Variants in NDNF observed in about 807,000 individuals in gnomAD.
NDNF encodes protein NDNF.
A neutral mutation model predicts 42.0 loss-of-function variants in NDNF; 16 were observed. The ratio of observed to expected loss-of-function variants is 0.38; its 90% confidence interval spans 0.26 to 0.58. The LOEUF is 0.58. Ranked by LOEUF, NDNF falls within the 20% of genes least tolerant of loss-of-function variation. The pLI is 0.67. For missense variants in NDNF, 616 were observed against 666.2 expected (o/e 0.92, Z 0.83); for synonymous variants, 248 against 251.7 (o/e 0.99, Z 0.14).
chr4:121,057,774 A>G (rs1727323190), intron 1 of NDNF, among the ~76,000 whole-genome samples: 1 of 152,188 alleles, frequency 6.6e-6, no homozygotes, highest in Non-Finnish European at 1.5e-5. Flanking sequence ...GGAGTGAGAT[A>G]CCCAAAACAG....
In NDNF at chr4:121,040,022, G is replaced by T; in HGVS notation, c.221C>A (p.Pro74Gln). ...ACAGGGCGTCACTGTGACTGATAAT[G>T]GAGTATTGTCTTCTTCAACCACAAA... ...YFFVVEEDNT[P>Q]LSVTVTPCDA... Residue 74 changes from proline to glutamine, a missense_variant, in exon 3 of 4, where the codon CCA becomes CAA. By Grantham distance (76) the Pro-to-Gln change is moderately conservative. Coordinates refer to ENST00000379692, the MANE Select transcript of NDNF (RefSeq NM_024574.4). 1 of 1,613,826 alleles carries T rather than the reference G, an allele frequency of 6.2e-7. No individual in the cohort carries two copies. Among genetic ancestry groups the T allele is most frequent in the Middle Eastern group, 1.7e-4 (1 of 5,990 alleles).
chr4:121,060,073 T>G (rs2175399), intron 1 of NDNF, among the ~76,000 whole-genome samples: 2 of 152,218 alleles, frequency 1.3e-5, no homozygotes, highest in Admixed American at 6.5e-5. Context: ...AACCTCTATT[T>G]AGGGAGAGGT....
chr4:121,052,408 G>C (rs979738128), intron 1 of NDNF, among the ~76,000 whole-genome samples: 1 of 152,198 alleles, frequency 6.6e-6, no homozygotes, highest in Non-Finnish European at 1.5e-5. Context: ...TAATTAAAGA[G>C]AGTGGAAAGT....
chr4:121,045,932 G>T, intron 1 of NDNF, 94 bp from the exon 2 acceptor site: 2 of 1,208,200 alleles, frequency 1.7e-6, no homozygotes, highest in East Asian at 2.5e-5. Flanking sequence ...TTTTAGCTTT[G>T]ATGGAAATTT....
intron 2 of NDNF, among the ~76,000 whole-genome samples, chr4:121,043,380 A>ACATATTTCACCC (rs1727036121): frequency 1.3e-5 from 2 of 152,208 alleles, no homozygotes; most frequent in Non-Finnish European, 2.9e-5. Context: ...GCTTATCATT[A>ACATATTTCACCC]CATATTTCAC....
At chr4:121,070,924 G>C (rs954101765) in intron 1 of NDNF, among the ~76,000 whole-genome samples, 1 of 152,166 alleles carries the variant, frequency 6.6e-6, no homozygotes, top group Non-Finnish European at 1.5e-5. Flanking sequence ...AGGTGCCCGC[G>C]GCAAACTCCG....
At chr4:121,059,886 G>A (rs1560609278) in intron 1 of NDNF, among the ~76,000 whole-genome samples, 1 of 152,136 alleles carries the variant, frequency 6.6e-6, no homozygotes, top group Non-Finnish European at 1.5e-5. Flanking sequence ...TGAATAGCCA[G>A]GTGATGGGTG....
intron 1 of NDNF, among the ~76,000 whole-genome samples, chr4:121,064,653 C>T (rs543023875): frequency 6.4e-4 from 98 of 152,080 alleles, no homozygotes; most frequent in Non-Finnish European, 1.1e-3. Context: ...TTCTTTTCAA[C>T]GTCTCTCACT....
intron 1 of NDNF, among the ~76,000 whole-genome samples, chr4:121,054,753 G>T (rs1021050972): frequency 1.2e-4 from 19 of 152,234 alleles, no homozygotes; most frequent in African/African-American, 4.6e-4. Flanking sequence ...AAGAATGGAA[G>T]ACCAAGTGCC....
chr4:121,051,907 G>A (rs75457260), intron 1 of NDNF, among the ~76,000 whole-genome samples: 1 of 152,198 alleles, frequency 6.6e-6, no homozygotes, highest in East Asian at 1.9e-4. Context: ...TATTATCTGA[G>A]CAATTCAAAC....
intron 1 of NDNF, among the ~76,000 whole-genome samples, chr4:121,070,071 G>T (rs1727563246): frequency 6.6e-6 from 1 of 152,100 alleles, no homozygotes; most frequent in South Asian, 2.1e-4. Flanking sequence ...TTTGACATTT[G>T]ATTAATCCCA....
At chr4:121,057,925 G>A (rs1316884733) in intron 1 of NDNF, among the ~76,000 whole-genome samples, 1 of 152,120 alleles carries the variant, frequency 6.6e-6, no homozygotes, top group Non-Finnish European at 1.5e-5. Flanking sequence ...CAAGTCCCCT[G>A]GGAACCTTAG....
In NDNF at chr4:121,036,898, T is replaced by G; in HGVS notation, c.1073A>C (p.Lys358Thr). The G allele has an allele frequency of 6.2e-7, 1 of 1,614,026 alleles. No homozygotes were observed. The highest frequency in any genetic ancestry group is 1.1e-5 in the South Asian group (1 of 91,068). The change falls in exon 4 of 4, where the codon AAG (lysine) becomes ACG (threonine). Residue 358 changes from lysine (K) to threonine (T), a missense_variant. Lys to Thr is a moderately conservative substitution (Grantham distance 78). Coordinates refer to ENST00000379692, the MANE Select transcript of NDNF (RefSeq NM_024574.4). ...GKITDVFVKR[K>T]GAKFLRFAPV... ...AGCAAACCGTAGAAACTTTGCTCCC[T>G]TCCTTTTAACAAATACATCTGTTAT...
intron 1 of NDNF, among the ~76,000 whole-genome samples, chr4:121,049,456 G>A (rs1204126208): frequency 1.3e-5 from 2 of 152,180 alleles, no homozygotes; most frequent in Non-Finnish European, 2.9e-5. Context: ...GGAAGTGGGG[G>A]TCAGGGAGCC....
intron 1 of NDNF, among the ~76,000 whole-genome samples, chr4:121,052,962 A>G (rs1727225068): frequency 6.6e-6 from 1 of 152,160 alleles, no homozygotes; most frequent in Non-Finnish European, 1.5e-5. Flanking sequence ...TGCCCTGACG[A>G]GTGGTCTCTG....
chr4:121,068,465 C>G (rs1048803256), intron 1 of NDNF, among the ~76,000 whole-genome samples: 1 of 152,116 alleles, frequency 6.6e-6, no homozygotes, highest in African/African-American at 2.4e-5. Context: ...AAATTGTGTT[C>G]TTTAGAATAA....
chr4:121,057,079 C>T (rs757149434), intron 1 of NDNF, among the ~76,000 whole-genome samples: 1 of 152,066 alleles, frequency 6.6e-6, no homozygotes, highest in Non-Finnish European at 1.5e-5. Flanking sequence ...AGAGCTTATA[C>T]TCAGTGGATA....
chr4:121,071,120 G>C (rs1368695995), intron 1 of NDNF, among the ~76,000 whole-genome samples: 1 of 152,180 alleles, frequency 6.6e-6, no homozygotes, highest in African/African-American at 2.4e-5. Flanking sequence ...CGGACTCCTA[G>C]GTTATCGGGG....
At chr4:121,051,537 A>C (rs1727194324) in intron 1 of NDNF, among the ~76,000 whole-genome samples, 1 of 152,170 alleles carries the variant, frequency 6.6e-6, no homozygotes, top group African/African-American at 2.4e-5. Flanking sequence ...TCATTGTATC[A>C]ATTAAATACC....
Sources: gnomAD v4.1 joint callset for allele counts (sites outside exome capture counted in the v4.1 genomes callset) on GRCh38, gnomAD v4.1.1 for gene constraint, MANE v1.5 for transcripts, NCBI Gene and HGNC (gene_info 2026-07-23, HGNC 2026-07-21) for gene names.